TTYH2: variants seen among roughly 807,000 people sequenced by gnomAD.
TTYH2 encodes protein tweety homolog 2.
Under a neutral mutation model 68.3 loss-of-function variants are expected in TTYH2, and 49 were observed. The observed-to-expected ratio is 0.72, with a 90% CI of 0.57 to 0.91. The LOEUF (loss-of-function observed/expected upper bound fraction) is 0.91. Among genes scored for constraint, TTYH2 ranks in the 40% least tolerant of loss-of-function variants. The probability of loss-of-function intolerance (pLI) is 0.00; values close to 1 mark genes in which losing one functional copy is unlikely to be tolerated. For missense variants in TTYH2, 631 were observed against 700.4 expected (o/e 0.90, Z 1.12); for synonymous variants, 272 against 300.8 (o/e 0.90, Z 0.99).
intron 2 of TTYH2, 112 bp from the exon 3 acceptor site, chr17:74,230,776 C>A: frequency 9.7e-7 from 1 of 1,035,178 alleles, no homozygotes; most frequent in Admixed American, 2.4e-5. Context: ...TCCTGAGTAG[C>A]TGGGATTACA....
chr17:74,246,593 C>A (rs1391056945), intron 6 of TTYH2, among the ~76,000 whole-genome samples: 1 of 152,188 alleles, frequency 6.6e-6, no homozygotes, highest in African/African-American at 2.4e-5. Context: ...TACTGGGCAG[C>A]CTCTCCCACC....
At chr17:74,245,784 G>A (rs367895657) in intron 6 of TTYH2, among the ~76,000 whole-genome samples, 8 of 152,190 alleles carry the variant, frequency 5.3e-5, no homozygotes, top group Non-Finnish European at 1.0e-4. Context: ...CGGCTGTCCC[G>A]GGGTTGTTGT....
At chr17:74,252,147 G>C in intron 10 of TTYH2, 87 bp from the exon 11 acceptor site, 1 of 1,557,940 alleles carries the variant, frequency 6.4e-7, no homozygotes, top group African/African-American at 1.3e-5. Flanking sequence ...GTCCAGGCTC[G>C]GGGGAGAGGG....
chr17:74,227,540 T>C (rs550777534), intron 2 of TTYH2, among the ~76,000 whole-genome samples: 1 of 152,330 alleles, frequency 6.6e-6, no homozygotes, highest in East Asian at 1.9e-4. Context: ...ATTTAATGTA[T>C]AAATATCTCA....
In TTYH2 at chr17:74,232,204, C is replaced by G. The variant is rs961880161; in HGVS notation, c.414+1205C>G. Among the ~76,000 whole-genome samples, 13 of 152,238 alleles carry G rather than the reference C, an allele frequency of 8.5e-5. No individual in the cohort carries two copies. The highest frequency in any genetic ancestry group is 2.4e-4 in the African/African-American group (10 of 41,460). The stretch of plus-strand genomic sequence containing the variant: ...AAGAGGATTGGACCCCATTTGCCCC[C>G]CTCCTGCTCCCTTAAGCTCCTCTAA... On this transcript the variant is annotated intron_variant, in intron 3 of 13. Coordinates refer to ENST00000269346, the MANE Select transcript of TTYH2 (RefSeq NM_032646.6). This position sits in a 1 kb window ranked among gnomAD's most constrained non-coding sequence, Gnocchi z 5.1.
chr17:74,255,249 C>T (rs1312888992), intron 13 of TTYH2, among the ~76,000 whole-genome samples: 2 of 152,198 alleles, frequency 1.3e-5, no homozygotes, highest in Non-Finnish European at 2.9e-5. Flanking sequence ...CTCTGTGCCT[C>T]AGTTTCCCCA....
chr17:74,241,296 T>TGTGTGTGTGCGCGC lies in TTYH2; in HGVS notation c.636-2077_636-2076insTGTGTGTGCGCGCG, dbSNP rs59096145. ...GTGTGTGTGTGTGTGTGTGTGTGTG[T>TGTGTGTGTGCGCGC]GCGTGTAAAAATAAGAATGTGATCC... On this transcript the variant is annotated intron_variant, in intron 4 of 13. Coordinates refer to ENST00000269346, the MANE Select transcript of TTYH2 (RefSeq NM_032646.6). The surrounding 1 kb of genome is among the most constrained non-coding windows in gnomAD (Gnocchi z 4.1). 1.1e-4 allele frequency among the ~76,000 whole-genome samples: 16 copies of TGTGTGTGTGCGCGC among 146,370 alleles called. No homozygotes were observed. In the East Asian group the frequency reaches 2.6e-3, roughly 24 times the overall value.
At chr17:74,236,161 A>G (rs563921577) in intron 3 of TTYH2, among the ~76,000 whole-genome samples, 4 of 152,242 alleles carry the variant, frequency 2.6e-5, no homozygotes, top group South Asian at 4.1e-4. Flanking sequence ...CAGGACACAC[A>G]TCCAGGGGAG....
intron 2 of TTYH2, among the ~76,000 whole-genome samples, chr17:74,228,312 G>T (rs1252654572): frequency 6.6e-6 from 1 of 152,118 alleles, no homozygotes; most frequent in Non-Finnish European, 1.5e-5. Context: ...CCTCCAGGGG[G>T]TTCCGTCCTA....
chr17:74,213,752 G>T lies in TTYH2; in HGVS notation c.129+36G>T, dbSNP rs1567807126. On this transcript the variant is annotated intron_variant, in intron 1 of 13. Coordinates refer to ENST00000269346, the MANE Select transcript of TTYH2 (RefSeq NM_032646.6). This position sits in a 1 kb window ranked among gnomAD's most constrained non-coding sequence, Gnocchi z 6.1. ...GCCGCCCCAGACCGCAGCCACGCGC[G>T]CCCCAAGTCCCCGCACTACCCCCTC... The T allele has an allele frequency of 2.5e-6, 4 of 1,600,762 alleles. No individual in the cohort carries two copies. In the East Asian group the frequency reaches 6.8e-5, roughly 27 times the overall value.
chr17:74,222,448 G>A lies in TTYH2; in HGVS notation c.130-37G>A. Reference sequence around the variant, plus strand: ...GCACTTCCAGAGCCCCGCACTGCAGGGATGAAGAGTGACAACAGGCCTCTG... The same window carrying A: ...GCACTTCCAGAGCCCCGCACTGCAGAGATGAAGAGTGACAACAGGCCTCTG... On this transcript the variant is annotated intron_variant, in intron 1 of 13. Coordinates refer to ENST00000269346, the MANE Select transcript of TTYH2 (RefSeq NM_032646.6). The surrounding 1 kb of genome is among the most constrained non-coding windows in gnomAD (Gnocchi z 5.2). 1.3e-6 allele frequency: 2 copies of A among 1,579,822 alleles called. No homozygotes were observed. The highest frequency in any genetic ancestry group is 1.7e-6 in the Non-Finnish European group (2 of 1,165,378).
At chr17:74,260,035 G>T (rs545854613) in intron 13 of TTYH2, 94 bp from the exon 14 acceptor site, 2 of 1,139,400 alleles carry the variant, frequency 1.8e-6, no homozygotes, top group South Asian at 1.2e-5. Context: ...TCTGACACCC[G>T]ACCCAGTTCC....
At chr17:74,240,660 T>G (rs2050490386) in intron 4 of TTYH2, 1 of 152,250 alleles carries the variant, frequency 6.6e-6, no homozygotes, top group African/African-American at 2.4e-5. Flanking sequence ...CCTAGCATTT[T>G]TATACAAGGC....
At chr17:74,254,500 A>G (rs371994390) in intron 13 of TTYH2, among the ~76,000 whole-genome samples, 28 of 152,054 alleles carry the variant, frequency 1.8e-4, no homozygotes, top group African/African-American at 6.5e-4. Flanking sequence ...GAAAAATAAA[A>G]CTCCTATTTC....
chr17:74,229,304 C>T (rs1014956008), intron 2 of TTYH2, among the ~76,000 whole-genome samples: 17 of 152,182 alleles, frequency 1.1e-4, no homozygotes, highest in African/African-American at 3.9e-4. Context: ...GGTAAAAGTG[C>T]AGGTAACCTA....
At position 74,260,344 on chromosome 17, in the gene TTYH2, G is replaced by A; in HGVS notation, c.*135G>A. The A allele has an allele frequency of 1.1e-6, 1 of 894,802 alleles. No individual in the cohort carries two copies. Among genetic ancestry groups the A allele is most frequent in the Non-Finnish European group, 1.8e-6 (1 of 567,810 alleles). The allele number at this position is 894,802 out of a possible 1,614,324, so 55.4% of individuals were successfully genotyped here. ...TCCTGCTGTGGCAGAGGAGCAGCTGGGATTCCCGACCAAAGCCCCAGGGGG... is the reference window on the plus strand; with the variant it reads ...TCCTGCTGTGGCAGAGGAGCAGCTGAGATTCCCGACCAAAGCCCCAGGGGG... On this transcript the variant is annotated 3_prime_UTR_variant, in exon 14 of 14. Transcript: ENST00000269346.
In TTYH2 at chr17:74,244,088, G is replaced by T. The variant is rs752449205; in HGVS notation, c.804+39G>T. On this transcript the variant is annotated intron_variant, in intron 6 of 13. Coordinates refer to ENST00000269346, the MANE Select transcript of TTYH2 (RefSeq NM_032646.6). ...GGGAGTGGGTGGTGGGTGGTGGTTG[G>T]TCTGCCAGGACACTCTGGTGTGTCT... 3 of 1,592,590 alleles carry T rather than the reference G, an allele frequency of 1.9e-6. No homozygotes were observed. The Admixed American group carries it at 5.0e-5, about 27-fold the overall frequency.
chr17:74,222,340 G>A lies in TTYH2; in HGVS notation c.130-145G>A. ...CGCCGGGCCCTCTGTTTACAGAGTA[G>A]GAGCTTGAACCCTAGGTGGAGCTTG... On this transcript the variant is annotated intron_variant, in intron 1 of 13. Transcript: ENST00000269346. The surrounding 1 kb of genome is among the most constrained non-coding windows in gnomAD (Gnocchi z 5.2). The A allele has an allele frequency of 1.0e-6, 1 of 969,584 alleles. No homozygotes were observed. The highest frequency in any genetic ancestry group is 1.5e-6 in the Non-Finnish European group (1 of 678,936). 60.1% of individuals were successfully genotyped at this position (969,584 alleles called of 1,614,324 possible).
chr17:74,243,065 G>T (rs541427604), intron 4 of TTYH2, among the ~76,000 whole-genome samples: 2 of 152,356 alleles, frequency 1.3e-5, no homozygotes, highest in South Asian at 4.1e-4. Context: ...TAGTGGCAAA[G>T]AAGAGAGTGG....
Sources: allele counts gnomAD v4.1 joint callset (sites outside exome capture counted in the v4.1 genomes callset), GRCh38; gene constraint gnomAD v4.1.1; non-coding constraint Gnocchi (gnomAD v3.1); transcripts MANE v1.5; gene names NCBI Gene and HGNC (gene_info 2026-07-23, HGNC 2026-07-21).